CPEB1: variants seen among roughly 807,000 people sequenced by gnomAD.
CPEB1 encodes the protein cytoplasmic polyadenylation element-binding protein 1.
In CPEB1, 7 loss-of-function variants were observed where a neutral mutation model predicts 65.8. The ratio of observed to expected loss-of-function variants is 0.11; its 90% CI spans 0.06 to 0.20. CPEB1 has a LOEUF of 0.20. Ranked by LOEUF, CPEB1 falls within the 10% of genes least tolerant of loss-of-function variation. The pLI is 1.00. For missense variants in CPEB1, 551 were observed against 712.2 expected (o/e 0.77, Z 2.58); for synonymous variants, 262 against 260.0 (o/e 1.01, Z -0.08).
At chr15:82,623,632 C>T (rs1007813573) in intron 3 of CPEB1, among the ~76,000 whole-genome samples, 12 of 152,100 alleles carry the variant, frequency 7.9e-5, no homozygotes, top group Non-Finnish European at 1.3e-4. Context: ...GCCGAGATCA[C>T]GCCACTGCAC....
intron 3 of CPEB1, among the ~76,000 whole-genome samples, chr15:82,603,445 C>T (rs2043289058): frequency 6.6e-6 from 1 of 150,698 alleles, no homozygotes; most frequent in Admixed American, 6.6e-5. Flanking sequence ...AACAGGCTAA[C>T]CAAAAAAGCT....
intron 3 of CPEB1, among the ~76,000 whole-genome samples, chr15:82,603,359 A>G (rs2567631): frequency 1.7e-3 from 232 of 138,308 alleles, no homozygotes; most frequent in Middle Eastern, 8.1e-3. Context: ...GGGAAAGTTT[A>G]TTTAAAAAAA....
intron 1 of CPEB1, among the ~76,000 whole-genome samples, chr15:82,639,310 AACC>A (rs2046912208): frequency 6.6e-6 from 1 of 152,192 alleles, no homozygotes; most frequent in Non-Finnish European, 1.5e-5. Flanking sequence ...ATACCGGAGC[AACC>A]ACCACACACA....
chr15:82,557,543 CTGCAA>C (rs1156349365), intron 5 of CPEB1: 1 of 499,764 alleles, frequency 2.0e-6, no homozygotes, highest in African/African-American at 2.0e-5. Flanking sequence ...AGCTCAGGTC[CTGCAA>C]TGTATTGCTC....
chr15:82,604,608 T>G (rs139409610), intron 3 of CPEB1, among the ~76,000 whole-genome samples: 74 of 151,886 alleles, frequency 4.9e-4, no homozygotes, highest in African/African-American at 1.6e-3. Context: ...AAGAACCAAT[T>G]AGAAATTCTA....
At chr15:82,629,776 G>A (rs1246064351) in intron 1 of CPEB1, 1 of 985,308 alleles carries the variant, frequency 1.0e-6, no homozygotes. Flanking sequence ...ACAAGAAGAG[G>A]CCCAATGTCA....
At chr15:82,612,379 C>T (rs936561462) in intron 3 of CPEB1, among the ~76,000 whole-genome samples, 1 of 151,728 alleles carries the variant, frequency 6.6e-6, no homozygotes, top group Admixed American at 6.6e-5. Context: ...CCCCTGTAGT[C>T]CCAGCTACTT....
chr15:82,545,335 G>C (rs2034983920), intron 12 of CPEB1, among the ~76,000 whole-genome samples: 1 of 152,150 alleles, frequency 6.6e-6, no homozygotes, highest in South Asian at 2.1e-4. Context: ...TCTCACTTGA[G>C]AGCCTCAGTT....
chr15:82,596,673 G>C (rs2042686002), intron 3 of CPEB1, among the ~76,000 whole-genome samples: 1 of 145,210 alleles, frequency 6.9e-6, no homozygotes, highest in Non-Finnish European at 1.5e-5. Flanking sequence ...ACTCCAACCT[G>C]GGCAACAGAG....
upstream of CPEB1, chr15:82,647,459 G>T: frequency 5.8e-6 from 1 of 172,840 alleles, no homozygotes; most frequent in Non-Finnish European, 1.2e-5. Flanking sequence ...TGAGCTTCCA[G>T]CGCCAGCGGC....
At chr15:82,613,763 A>G (rs1341882701) in intron 3 of CPEB1, among the ~76,000 whole-genome samples, 2 of 152,102 alleles carry the variant, frequency 1.3e-5, no homozygotes, top group Non-Finnish European at 2.9e-5. Flanking sequence ...AAATGCTAAG[A>G]AGTTCACTCA....
chr15:82,630,699 G>A (rs1356513698), intron 1 of CPEB1, among the ~76,000 whole-genome samples: 1 of 152,086 alleles, frequency 6.6e-6, no homozygotes, highest in East Asian at 1.9e-4. Flanking sequence ...TGTCCTCCAA[G>A]CCAAGGTGGC....
At chr15:82,634,069 C>T (rs930569064) in intron 1 of CPEB1, among the ~76,000 whole-genome samples, 3 of 151,886 alleles carry the variant, frequency 2.0e-5, no homozygotes, top group African/African-American at 7.3e-5. Flanking sequence ...TGGCAGATGT[C>T]CAATTACACA....
At chr15:82,582,876 C>G (rs953218894) in intron 3 of CPEB1, among the ~76,000 whole-genome samples, 2 of 151,324 alleles carry the variant, frequency 1.3e-5, no homozygotes, top group African/African-American at 2.4e-5. Context: ...CTGAGTAGCT[C>G]GGACAACAGA....
At chr15:82,564,805 A>T (rs746579355) in intron 4 of CPEB1, among the ~76,000 whole-genome samples, 1 of 151,894 alleles carries the variant, frequency 6.6e-6, no homozygotes, top group Non-Finnish European at 1.5e-5. Flanking sequence ...GGTGGAAATC[A>T]CTCTGTCCTA....
intron 1 of CPEB1, among the ~76,000 whole-genome samples, chr15:82,643,807 C>T (rs954713327): frequency 1.3e-5 from 2 of 152,108 alleles, no homozygotes; most frequent in African/African-American, 2.4e-5. Flanking sequence ...GATTTTACCA[C>T]AGACTGCTTT....
At chr15:82,588,609 T>C (rs375527731) in intron 3 of CPEB1, among the ~76,000 whole-genome samples, 11 of 152,318 alleles carry the variant, frequency 7.2e-5, no homozygotes, top group African/African-American at 2.4e-4. Flanking sequence ...GTAGTTTTTA[T>C]TTCTTCTACA....
At chr15:82,590,285 G>T (rs1478926086) in intron 3 of CPEB1, among the ~76,000 whole-genome samples, 1 of 129,552 alleles carries the variant, frequency 7.7e-6, no homozygotes, top group Admixed American at 8.6e-5. Context: ...TGTAATTCAA[G>T]AAAGTTAACC....
chr15:82,635,820 T>C (rs756138273), intron 1 of CPEB1, among the ~76,000 whole-genome samples: 2 of 152,074 alleles, frequency 1.3e-5, no homozygotes, highest in Non-Finnish European at 2.9e-5. Flanking sequence ...TAGAGAATAA[T>C]GAAAATGCAG....
Sources: gnomAD v4.1 joint callset for allele counts (sites outside exome capture counted in the v4.1 genomes callset) on GRCh38, gnomAD v4.1.1 for gene constraint, MANE v1.5 for transcripts, NCBI Gene and HGNC (gene_info 2026-07-23, HGNC 2026-07-21) for gene names.